Variants in ABHD16A observed in about 807,000 individuals in gnomAD.
The protein encoded by ABHD16A is phosphatidylserine lipase ABHD16A.
A neutral mutation model predicts 89.8 loss-of-function variants in ABHD16A; 47 were observed. The observed-to-expected ratio is 0.52, with a 90% CI of 0.41 to 0.67. ABHD16A has a LOEUF of 0.67. ABHD16A is among the 30% of genes least tolerant of loss of function. The pLI, the probability that ABHD16A is intolerant of heterozygous loss-of-function variation, is 0.00. For synonymous variants in ABHD16A, 251 were observed against 280.4 expected (o/e 0.90, Z 1.05); for missense variants, 580 against 734.6 (o/e 0.79, Z 2.43).
intron 2 of ABHD16A, 97 bp downstream of exon 2, chr6:31,701,977 C>T (rs1583730389): frequency 7.2e-7 from 1 of 1,395,510 alleles, no homozygotes; most frequent in South Asian, 1.2e-5. Context: ...CATCCCCCAA[C>T]CCCAGGGCAC....
chr6:31,687,666 C>T lies in ABHD16A; in HGVS notation c.1522G>A (p.Gly508Arg), dbSNP rs1302041736. 3.7e-6 allele frequency: 6 copies of T among 1,612,902 alleles called. No individual in the cohort carries two copies. The highest frequency in any genetic ancestry group is 5.1e-6 in the Non-Finnish European group (6 of 1,179,948). ...CCCACGCTCCAGGGGAAGTCGGGCC[C>T]GTGTTCTGCCTGGTAGGAGCGGAGG... is the stretch of plus-strand genomic sequence containing the variant. ...SVLRSYQAEH[G>R]PDFPWSVGED... Residue 508 changes from glycine to arginine, a missense_variant, in exon 18 of 20, where the codon GGG becomes AGG. Transcript: ENST00000395952. The surrounding 1 kb of genome is among the most constrained non-coding windows in gnomAD (Gnocchi z 6.3).
intron 2 of ABHD16A, 123 bp downstream of exon 2, chr6:31,701,951 G>T: frequency 2.9e-6 from 3 of 1,023,002 alleles, no homozygotes; most frequent in Non-Finnish European, 4.5e-6. Flanking sequence ...GGAGAGGTCT[G>T]CTGCAGAGCC....
At chr6:31,692,524 T>G (rs1216708474) in intron 7 of ABHD16A, among the ~76,000 whole-genome samples, 1 of 152,198 alleles carries the variant, frequency 6.6e-6, no homozygotes, top group Admixed American at 6.5e-5. Flanking sequence ...ATTTGGGATT[T>G]ACCATGTGCT....
At position 31,693,128 on chromosome 6, in the gene ABHD16A, A is replaced by G; in HGVS notation, c.525T>C (p.Pro175=). Reference sequence around the variant, plus strand: ...GAAGCAGGGCCACACCCCGGCGGGAAGGGCCCCCTCGAGACTCCTTCCTGA... The same window carrying G: ...GAAGCAGGGCCACACCCCGGCGGGAGGGGCCCCCTCGAGACTCCTTCCTGA... ...PSSRKESRGG[P]SRRGVALLRP... The change falls in exon 7 of 20, where the codon CCT becomes CCC. Residue 175 remains proline (P), a synonymous_variant. Transcript: ENST00000395952. This position sits in a 1 kb window ranked among gnomAD's most constrained non-coding sequence, Gnocchi z 5.0. The G allele has an allele frequency of 6.2e-7, 1 of 1,613,754 alleles. No individual in the cohort carries two copies. The highest frequency in any genetic ancestry group is 8.5e-7 in the Non-Finnish European group (1 of 1,179,838).
intron 1 of ABHD16A, chr6:31,702,739 G>A: frequency 6.5e-7 from 1 of 1,538,230 alleles, no homozygotes; most frequent in South Asian, 1.2e-5. Context: ...GAGGGTAAAG[G>A]GAAGATAAAA....
Position 31,691,916 on chromosome 6 carries a change from TAGC to T in ABHD16A, c.627-1_628del. 1 of 1,603,610 alleles carries T rather than the reference TAGC, an allele frequency of 6.2e-7. No individual in the cohort carries two copies. The highest frequency in any genetic ancestry group is 8.5e-7 in the Non-Finnish European group (1 of 1,175,990). ...GCGCCCTAGGGTGTGCGCCACCAGG[TAGC>T]TGTGGGGAACACAGGTTAACAAACC... On this transcript the variant is annotated splice_acceptor_variant and coding_sequence_variant, in exon 8 of 20. Coordinates refer to ENST00000395952, the MANE Select transcript of ABHD16A (RefSeq NM_021160.3). LOFTEE classifies it high-confidence loss of function.
Position 31,690,420 on chromosome 6 carries a change from C to G in ABHD16A, c.907+119G>C, listed in dbSNP as rs1254002633. 4 of 1,136,718 alleles carry G rather than the reference C, an allele frequency of 3.5e-6. No individual in the cohort carries two copies. The Admixed American group carries it at 7.3e-5, about 21-fold the overall frequency. 70.4% of individuals were successfully genotyped at this position (1,136,718 alleles called of 1,614,324 possible). A position where few individuals can be genotyped will look rare whatever the true frequency, so the allele number is the denominator to read the frequency against. On this transcript the variant is annotated intron_variant, in intron 10 of 19. Transcript: ENST00000395952. The surrounding 1 kb of genome is among the most constrained non-coding windows in gnomAD (Gnocchi z 4.1). ...ATGGCGAGTGGACTTTTCCCTAAAG[C>G]TGAGAGACTCAAAACCTCACCCAGA...
At chr6:31,691,354 G>C in intron 9 of ABHD16A, 1 of 536,166 alleles carries the variant, frequency 1.9e-6, no homozygotes, top group Non-Finnish European at 3.3e-6. Context: ...TGCTGTCAAA[G>C]TGGTAACTAT....
At chr6:31,701,195 C>T in intron 3 of ABHD16A, 79 bp downstream of exon 3, 1 of 1,458,900 alleles carries the variant, frequency 6.9e-7, no homozygotes, top group Non-Finnish European at 9.6e-7. Context: ...TCACAGGTCC[C>T]CTCTCCTCTT....
chr6:31,701,585 T>C (rs1162113104), intron 2 of ABHD16A, among the ~76,000 whole-genome samples: 2 of 152,194 alleles, frequency 1.3e-5, no homozygotes, highest in African/African-American at 2.4e-5. Context: ...GGAAGAATTA[T>C]GTCTTCCATC....
chr6:31,691,032 G>A (rs569357950), intron 9 of ABHD16A, among the ~76,000 whole-genome samples: 14 of 152,226 alleles, frequency 9.2e-5, no homozygotes, highest in Middle Eastern at 3.4e-3. Context: ...TGAAACCCAC[G>A]AATGGTGGGA....
At chr6:31,700,904 G>A (rs1470997209) in intron 4 of ABHD16A, 38 bp downstream of exon 4, 1 of 1,543,360 alleles carries the variant, frequency 6.5e-7, no homozygotes, top group African/African-American at 1.4e-5. Flanking sequence ...CAGTGACAGT[G>A]ACAGATAAGA....
At chr6:31,702,801 C>G in intron 1 of ABHD16A, 3 of 1,430,002 alleles carry the variant, frequency 2.1e-6, no homozygotes, top group Non-Finnish European at 2.8e-6. Flanking sequence ...AACTGGGAGT[C>G]TGACAGCAAA....
In ABHD16A at chr6:31,690,365, CA is replaced by C; in HGVS notation, c.907+173del. ...AAGCATAATAGCTAGGGACACAGGC[CA>C]GGGGAGGGATGTAAGGTTATCAAAG... On this transcript the variant is annotated intron_variant, in intron 10 of 19. Transcript: ENST00000395952. This position sits in a 1 kb window ranked among gnomAD's most constrained non-coding sequence, Gnocchi z 4.1. The C allele has an allele frequency of 1.4e-6, 1 of 733,672 alleles. No homozygotes were observed. The highest frequency in any genetic ancestry group is 2.3e-6 in the Non-Finnish European group (1 of 430,264). 45.4% of individuals were successfully genotyped at this position (733,672 alleles called of 1,614,324 possible).
chr6:31,703,146 T>G lies in ABHD16A; in HGVS notation c.132+4A>C, dbSNP rs1328183742. 2 of 1,420,750 alleles carry G rather than the reference T, an allele frequency of 1.4e-6. No individual in the cohort carries two copies. Among genetic ancestry groups the G allele is most frequent in the African/African-American group, 1.5e-5 (1 of 67,620 alleles). 88.0% of individuals were successfully genotyped at this position (1,420,750 alleles called of 1,614,324 possible). A position where few individuals can be genotyped will look rare whatever the true frequency, so the allele number is the denominator to read the frequency against. On this transcript the variant is annotated splice_donor_region_variant and intron_variant, in intron 1 of 19. Coordinates refer to ENST00000395952, the MANE Select transcript of ABHD16A (RefSeq NM_021160.3). ...GTTCTTCGGTGGGGAGGAACTCGAC[T>G]CACCCAGGAGCTGGAATGGGGGGCA...
Position 31,703,322 on chromosome 6 carries a change from C to G in ABHD16A, c.-41G>C. 7.5e-7 allele frequency: 1 copy of G among 1,330,702 alleles called. No homozygotes were observed. The highest frequency in any genetic ancestry group is 2.3e-5 in the South Asian group (1 of 43,160). 82.4% of individuals were successfully genotyped at this position (1,330,702 alleles called of 1,614,324 possible). On this transcript the variant is annotated 5_prime_UTR_variant, in exon 1 of 20. Transcript: ENST00000395952. ...CGCTGCTCTTCCAGCAGCAGGTCCC[C>G]CTGCCGGCCCCGCCCTCCCTGCCTC...
intron 3 of ABHD16A, 27 bp downstream of exon 3, chr6:31,701,247 C>T: frequency 6.2e-7 from 1 of 1,602,160 alleles, no homozygotes; most frequent in Non-Finnish European, 8.6e-7. Flanking sequence ...CCATTTGCTA[C>T]CCCACCACCT....
chr6:31,688,873 G>A lies in ABHD16A; in HGVS notation c.1187-87C>T. On this transcript the variant is annotated intron_variant, in intron 13 of 19. Transcript: ENST00000395952. The surrounding 1 kb of genome is among the most constrained non-coding windows in gnomAD (Gnocchi z 4.9). Reference sequence around the variant, plus strand: ...TCACTATTCACGGAGAAAGAAAACTGAGGCCCCCAGACAAAGGAGTCCTCC... The same window carrying A: ...TCACTATTCACGGAGAAAGAAAACTAAGGCCCCCAGACAAAGGAGTCCTCC... The A allele has an allele frequency of 1.4e-6, 2 of 1,477,494 alleles. No individual in the cohort carries two copies. Among genetic ancestry groups the A allele is most frequent in the South Asian group, 2.4e-5 (2 of 84,516 alleles). 91.5% of individuals were successfully genotyped at this position (1,477,494 alleles called of 1,614,324 possible). A position where few individuals can be genotyped will look rare whatever the true frequency, so the allele number is the denominator to read the frequency against.
intron 7 of ABHD16A, 104 bp downstream of exon 7, chr6:31,692,923 G>T: frequency 6.8e-7 from 1 of 1,479,818 alleles, no homozygotes; most frequent in Non-Finnish European, 9.4e-7. Flanking sequence ...TACAGCACTA[G>T]GCCCAATGAG....
Sources: allele counts gnomAD v4.1 joint callset (sites outside exome capture counted in the v4.1 genomes callset), GRCh38; gene constraint gnomAD v4.1.1; non-coding constraint Gnocchi (gnomAD v3.1); transcripts MANE v1.5; gene names NCBI Gene and HGNC (gene_info 2026-07-23, HGNC 2026-07-21).